RAB11FIP4: variants seen among roughly 807,000 people sequenced by gnomAD.
RAB11FIP4 encodes the protein RAB11 family interacting protein 4.
In RAB11FIP4, 23 loss-of-function variants were observed where a neutral mutation model predicts 74.3. That is an observed-to-expected ratio of 0.31 (90% CI 0.22 to 0.44). The LOEUF (loss-of-function observed/expected upper bound fraction) is 0.44. RAB11FIP4 is among the 20% of genes least tolerant of loss of function. The probability of loss-of-function intolerance (pLI) is 1.00; values close to 1 mark genes in which losing one functional copy is unlikely to be tolerated. For missense variants in RAB11FIP4, 630 were observed against 863.9 expected (o/e 0.73, Z 3.39); for synonymous variants, 360 against 359.9 (o/e 1.00, Z 0.00).
At chr17:31,427,462 C>T (rs1475835618) in intron 1 of RAB11FIP4, among the ~76,000 whole-genome samples, 1 of 152,194 alleles carries the variant, frequency 6.6e-6, no homozygotes, top group East Asian at 1.9e-4. Context: ...CACCTCTGTC[C>T]CAGGTAGGCT....
chr17:31,445,247 A>G (rs1429908512), intron 3 of RAB11FIP4, among the ~76,000 whole-genome samples: 2 of 152,098 alleles, frequency 1.3e-5, no homozygotes, highest in African/African-American at 2.4e-5. Flanking sequence ...GAGCAGAACA[A>G]TGAATCCACA....
chr17:31,510,071 G>A (rs1304417596), intron 3 of RAB11FIP4, among the ~76,000 whole-genome samples: 1 of 152,170 alleles, frequency 6.6e-6, no homozygotes, highest in Admixed American at 6.5e-5. Context: ...CAGTCTCTGC[G>A]GCCACCACCT....
In RAB11FIP4 at chr17:31,423,394, G is replaced by T. The variant is rs778734525; in HGVS notation, c.160-8419G>T. On this transcript the variant is annotated intron_variant, in intron 1 of 14. Coordinates refer to ENST00000621161, the MANE Select transcript of RAB11FIP4 (RefSeq NM_032932.6). ...TTTATTCGTTTGTTTTTGAGACAGG[G>T]TCTTGCTCTGTCACCTAGGCTGGAG... Among the ~76,000 whole-genome samples the T allele has an allele frequency of 1.6e-4, 25 of 152,216 alleles. No individual in the cohort carries two copies. The Middle Eastern group carries it at 0.01, about 62-fold the overall frequency.
At chr17:31,392,105 G>C in intron 1 of RAB11FIP4, 94 bp downstream of exon 1, 6 of 890,490 alleles carry the variant, frequency 6.7e-6, no homozygotes, top group Non-Finnish European at 8.1e-6. Context: ...CGCGTGGCCC[G>C]AGGCGGTGGC....
chr17:31,467,013 C>T (rs1016177950), intron 3 of RAB11FIP4, among the ~76,000 whole-genome samples: 6 of 152,188 alleles, frequency 3.9e-5, no homozygotes, highest in African/African-American at 1.4e-4. Flanking sequence ...TCAACAAGAC[C>T]ACTTCCTTCC....
Position 31,537,163 on chromosome 17 carries a change from A to G in RAB11FIP4, c.*5431A>G, listed in dbSNP as rs878897133. ...CTTTTCTTCCCCATCGCCACTGTAC[A>G]GGATTTTCCACATTGCCCACTGCCT... On this transcript the variant is annotated 3_prime_UTR_variant, in exon 15 of 15. Transcript: ENST00000621161. 9.8e-5 allele frequency: 39 copies of G among 399,668 alleles called. No homozygotes were observed. The highest frequency in any genetic ancestry group is 6.3e-4 in the Middle Eastern group (1 of 1,588). The allele number at this position is 399,668 out of a possible 1,614,324, so 24.8% of individuals were successfully genotyped here.
chr17:31,525,400 G>C (rs2072748037), intron 10 of RAB11FIP4, 170 bp downstream of exon 10: 2 of 668,708 alleles, frequency 3.0e-6, no homozygotes, highest in African/African-American at 3.6e-5. Context: ...AAACACAGAG[G>C]CATGCTCTTC....
chr17:31,452,777 T>C (rs2071538358), intron 3 of RAB11FIP4, among the ~76,000 whole-genome samples: 2 of 152,218 alleles, frequency 1.3e-5, no homozygotes, highest in African/African-American at 4.8e-5. Flanking sequence ...TCTCCACATT[T>C]CTGTTACTGT....
chr17:31,431,376 T>A (rs2071307917), intron 1 of RAB11FIP4, among the ~76,000 whole-genome samples: 1 of 152,206 alleles, frequency 6.6e-6, no homozygotes, highest in Non-Finnish European at 1.5e-5. Flanking sequence ...GCCACCAGTG[T>A]CCATCTCAGT....
chr17:31,525,163 C>G lies in RAB11FIP4; in HGVS notation c.1207C>G (p.Arg403Gly). The G allele has an allele frequency of 6.5e-7, 1 of 1,548,956 alleles. No individual in the cohort carries two copies. The highest frequency in any genetic ancestry group is 1.2e-5 in the South Asian group (1 of 83,930). The change falls in exon 10 of 15, where the codon CGC becomes GGC. Residue 403 changes from arginine to glycine, a missense_variant. By Grantham distance (125) the Arg-to-Gly change is moderately radical. Coordinates refer to ENST00000621161, the MANE Select transcript of RAB11FIP4 (RefSeq NM_032932.6). Reference sequence around the variant, plus strand: ...GCAGGCTCTGGAGGAGGAGGCGCGGCGCCACCGCGAGGCCTACGGCAAGCT... The same window carrying G: ...GCAGGCTCTGGAGGAGGAGGCGCGGGGCCACCGCGAGGCCTACGGCAAGCT... ...AEQALEEEARRHREAYGKLER... is the reference protein window; with the variant it reads ...AEQALEEEARGHREAYGKLER...
chr17:31,442,823 G>A (rs1032540641), intron 3 of RAB11FIP4, among the ~76,000 whole-genome samples: 3 of 152,182 alleles, frequency 2.0e-5, no homozygotes, highest in Non-Finnish European at 4.4e-5. Context: ...AGCCAGGCGT[G>A]ATAGCGCATG....
intron 3 of RAB11FIP4, among the ~76,000 whole-genome samples, chr17:31,511,789 G>A (rs1472694517): frequency 1.3e-5 from 2 of 152,240 alleles, no homozygotes; most frequent in Non-Finnish European, 2.9e-5. Context: ...GCCCCCACGT[G>A]TATTGATACT....
intron 1 of RAB11FIP4, among the ~76,000 whole-genome samples, chr17:31,417,820 C>T (rs1417517275): frequency 6.6e-6 from 1 of 152,192 alleles, no homozygotes; most frequent in Non-Finnish European, 1.5e-5. Flanking sequence ...AAGCCAGGGG[C>T]TGGGCATGGG....
chr17:31,392,657 G>A (rs1233368171), intron 1 of RAB11FIP4: 2 of 152,332 alleles, frequency 1.3e-5, no homozygotes, highest in Non-Finnish European at 2.9e-5. Flanking sequence ...CTTTCATGTG[G>A]CGGGGCCGCA....
At chr17:31,482,781 TC>T (rs1318893307) in intron 3 of RAB11FIP4, among the ~76,000 whole-genome samples, 1 of 151,974 alleles carries the variant, frequency 6.6e-6, no homozygotes, top group African/African-American at 2.4e-5. Context: ...TAGCTGAACT[TC>T]CTGAGCGTGG....
chr17:31,431,974 G>A, intron 2 of RAB11FIP4, 74 bp downstream of exon 2: 2 of 1,160,006 alleles, frequency 1.7e-6, no homozygotes, highest in Non-Finnish European at 2.5e-6. Flanking sequence ...GTGACTGGGG[G>A]CCCAGCCTGG....
chr17:31,506,171 A>G (rs1295840539), intron 3 of RAB11FIP4, among the ~76,000 whole-genome samples: 1 of 152,200 alleles, frequency 6.6e-6, no homozygotes, highest in Non-Finnish European at 1.5e-5. Context: ...TACTCTGACA[A>G]TATTGATCTT....
chr17:31,414,476 T>G (rs1039968406), intron 1 of RAB11FIP4, among the ~76,000 whole-genome samples: 6 of 152,138 alleles, frequency 3.9e-5, no homozygotes, highest in African/African-American at 1.4e-4. Flanking sequence ...TCACTTTCGC[T>G]CCTATTCAGA....
At chr17:31,405,100 A>G (rs769642377) in intron 1 of RAB11FIP4, among the ~76,000 whole-genome samples, 7 of 152,090 alleles carry the variant, frequency 4.6e-5, no homozygotes, top group Non-Finnish European at 8.8e-5. Flanking sequence ...CCCACCTAGA[A>G]GTAGCGTGGG....
Sources: gnomAD v4.1 joint callset for allele counts (sites outside exome capture counted in the v4.1 genomes callset) on GRCh38, gnomAD v4.1.1 for gene constraint, MANE v1.5 for transcripts, NCBI Gene and HGNC (gene_info 2026-07-23, HGNC 2026-07-21) for gene names.